Variants in KLHL29 observed in about 807,000 individuals in gnomAD.
KLHL29 encodes the protein kelch like family member 29.
KLHL29 carries 21 observed loss-of-function variants against 80.4 expected under a neutral mutation model. That is an observed-to-expected ratio of 0.26 (90% CI 0.19 to 0.38). The LOEUF (loss-of-function observed/expected upper bound fraction) is 0.38, where lower values mean the gene tolerates loss of function less well. Ranked by LOEUF, KLHL29 falls within the 10% of genes least tolerant of loss-of-function variation. The pLI is 1.00. For missense variants in KLHL29, 867 were observed against 1,223.9 expected, an observed-to-expected ratio of 0.71 and a Z score of 4.35; for synonymous variants, 511 against 526.8, an observed-to-expected ratio of 0.97 and a Z score of 0.41.
chr2:23,585,856 G>C (rs1361503498), intron 3 of KLHL29, among the ~76,000 whole-genome samples: 1 of 152,228 alleles, frequency 6.6e-6, no homozygotes, highest in Admixed American at 6.5e-5. Flanking sequence ...CAGAGAAGGA[G>C]AAGCACTTTA....
intron 5 of KLHL29, chr2:23,671,926 C>G (rs905847528): frequency 6.6e-6 from 1 of 152,424 alleles, no homozygotes; most frequent in Non-Finnish European, 1.5e-5. Flanking sequence ...AATTCCCAGC[C>G]TCATTCCCCA....
chr2:23,420,173 C>A (rs1216564279), intron 1 of KLHL29, among the ~76,000 whole-genome samples: 1 of 152,184 alleles, frequency 6.6e-6, no homozygotes, highest in East Asian at 1.9e-4. Flanking sequence ...TGCCCAGCGA[C>A]CCTCACGGAC....
chr2:23,638,339 T>C (rs1669674101), intron 3 of KLHL29, among the ~76,000 whole-genome samples: 1 of 152,200 alleles, frequency 6.6e-6, no homozygotes, highest in Non-Finnish European at 1.5e-5. Context: ...GATAGCTATA[T>C]AATATTCCAT....
chr2:23,613,798 C>A (rs1668934388), intron 3 of KLHL29, among the ~76,000 whole-genome samples: 1 of 123,050 alleles, frequency 8.1e-6, no homozygotes, highest in African/African-American at 3.2e-5. Flanking sequence ...AAACCCACCA[C>A]TCTCAGCTCA....
chr2:23,505,860 G>A (rs919325769), intron 2 of KLHL29, among the ~76,000 whole-genome samples: 2 of 152,202 alleles, frequency 1.3e-5, no homozygotes, highest in African/African-American at 4.8e-5. Flanking sequence ...TCCCCTACAG[G>A]GTGGGTTCAG....
chr2:23,587,417 G>A (rs755204129), intron 3 of KLHL29, among the ~76,000 whole-genome samples: 2 of 152,068 alleles, frequency 1.3e-5, no homozygotes, highest in Admixed American at 6.5e-5. Flanking sequence ...TTGCCTTAGA[G>A]TCAGAGGAAA....
rs544576006 is a variant in KLHL29 at position 23,644,886 on chromosome 2, T to C, written c.940+2036T>C. ...CTAGAAAGTGTCCTCAGCCCTGCCTTCTGGTGAGCCAGCGGGACCCACCAG... is the reference window on the plus strand; with the variant it reads ...CTAGAAAGTGTCCTCAGCCCTGCCTCCTGGTGAGCCAGCGGGACCCACCAG... On this transcript the variant is annotated intron_variant, in intron 5 of 13. Transcript: ENST00000486442. Among the ~76,000 whole-genome samples the C allele has an allele frequency of 3.6e-3, 550 of 152,328 alleles. 4 individuals carry two copies. Among genetic ancestry groups the C allele is most frequent in the African/African-American group, 0.013 (526 of 41,576 alleles).
chr2:23,510,210 G>C (rs1410044124), intron 2 of KLHL29, among the ~76,000 whole-genome samples: 1 of 152,170 alleles, frequency 6.6e-6, no homozygotes, highest in Non-Finnish European at 1.5e-5. Flanking sequence ...CTTATTTCTA[G>C]TGGTTATGGC....
chr2:23,439,379 T>C (rs1663443954), intron 1 of KLHL29, among the ~76,000 whole-genome samples: 1 of 152,210 alleles, frequency 6.6e-6, no homozygotes, highest in South Asian at 2.1e-4. Context: ...CTCTTGCTTT[T>C]CTAGTTCTTT....
intron 2 of KLHL29, among the ~76,000 whole-genome samples, chr2:23,529,399 GC>G (rs1382354754): frequency 1.3e-5 from 2 of 152,236 alleles, no homozygotes; most frequent in African/African-American, 4.8e-5. Context: ...GCAGGCATGA[GC>G]CCCTGCAGCT....
intron 1 of KLHL29, among the ~76,000 whole-genome samples, chr2:23,391,987 C>T (rs1411755686): frequency 6.6e-6 from 1 of 152,190 alleles, no homozygotes; most frequent in Non-Finnish European, 1.5e-5. Flanking sequence ...GTTGAAGTCC[C>T]GTCTCCAGTG....
At chr2:23,435,889 C>G (rs980368989) in intron 1 of KLHL29, among the ~76,000 whole-genome samples, 2 of 149,296 alleles carry the variant, frequency 1.3e-5, no homozygotes, top group Admixed American at 1.3e-4. Context: ...CTTTCTTTCT[C>G]TCTCTCTCTC....
chr2:23,573,915 C>A lies in KLHL29; in HGVS notation c.285+11434C>A, dbSNP rs1254602040. ...CAGCCCCCGCTTTCAGAGGTGTTGG[C>A]CCAGTTCCTTCGCAGAAGGGCAGTC... is the stretch of plus-strand genomic sequence containing the variant. On this transcript the variant is annotated intron_variant, in intron 3 of 13. Transcript: ENST00000486442. Among the ~76,000 whole-genome samples the A allele has an allele frequency of 5.3e-5, 8 of 152,278 alleles. No homozygotes were observed. In the South Asian group the frequency reaches 1.7e-3, roughly 32 times the overall value.
intron 2 of KLHL29, among the ~76,000 whole-genome samples, chr2:23,544,690 T>A (rs1666936508): frequency 6.6e-6 from 1 of 152,152 alleles, no homozygotes; most frequent in Admixed American, 6.5e-5. Context: ...AGGCAACATT[T>A]GAGAAGAGGC....
At chr2:23,453,293 GTCT>G (rs1663943439) in intron 1 of KLHL29, among the ~76,000 whole-genome samples, 2 of 152,158 alleles carry the variant, frequency 1.3e-5, no homozygotes, top group Admixed American at 6.5e-5. Context: ...CAGGAGCTGT[GTCT>G]TCTTCTGCCC....
chr2:23,515,151 G>T (rs1298882311), intron 2 of KLHL29, among the ~76,000 whole-genome samples: 1 of 152,092 alleles, frequency 6.6e-6, no homozygotes. Context: ...TCTCCAAATT[G>T]TCCCTCTTCG....
intron 2 of KLHL29, among the ~76,000 whole-genome samples, chr2:23,530,622 G>T (rs1159861859): frequency 6.6e-6 from 1 of 152,148 alleles, no homozygotes; most frequent in Non-Finnish European, 1.5e-5. Context: ...TTCTTCCATC[G>T]TGTGGAATAT....
chr2:23,675,902 A>AC (rs754561615), intron 5 of KLHL29, among the ~76,000 whole-genome samples: 3 of 152,128 alleles, frequency 2.0e-5, no homozygotes, highest in African/African-American at 2.4e-5. Flanking sequence ...ATGTGATCTA[A>AC]CCCCCTAGCA....
At chr2:23,563,372 T>G (rs1443851208) in intron 3 of KLHL29, among the ~76,000 whole-genome samples, 1 of 152,210 alleles carries the variant, frequency 6.6e-6, no homozygotes, top group Non-Finnish European at 1.5e-5. Flanking sequence ...CCCATCCTGC[T>G]TCCTCACCGA....
Sources: gnomAD v4.1 joint callset for allele counts (sites outside exome capture counted in the v4.1 genomes callset) on GRCh38, gnomAD v4.1.1 for gene constraint, MANE v1.5 for transcripts, NCBI Gene and HGNC (gene_info 2026-07-23, HGNC 2026-07-21) for gene names.